The following ATR variants were observed in gnomAD, a reference collection of about 807,000 sequenced individuals.
ATR encodes serine/threonine-protein kinase ATR.
A neutral mutation model predicts 305.3 loss-of-function variants in ATR; 142 were observed. The ratio of observed to expected loss-of-function variants is 0.47; its 90% CI spans 0.41 to 0.53. ATR has a LOEUF of 0.53. Ranked by LOEUF, ATR falls within the 20% of genes least tolerant of loss-of-function variation. The probability of loss-of-function intolerance (pLI) is 0.00; values close to 1 mark genes in which losing one functional copy is unlikely to be tolerated. For synonymous variants in ATR, 1,050 were observed against 1,068.1 expected (o/e 0.98, Z 0.33); for missense variants, 2,135 against 3,133.1 (o/e 0.68, Z 7.60).
chr3:142,578,420 T>A (rs1158936316), intron 1 of ATR, among the ~76,000 whole-genome samples: 1 of 152,078 alleles, frequency 6.6e-6, no homozygotes, highest in Non-Finnish European at 1.5e-5. Flanking sequence ...GACGCCTCTC[T>A]CCCCCACGGA....
chr3:142,542,221 G>A (rs1481435301), intron 17 of ATR, among the ~76,000 whole-genome samples: 2 of 152,144 alleles, frequency 1.3e-5, no homozygotes, highest in African/African-American at 4.8e-5. Context: ...ACTTTTGTTT[G>A]AGCTTTCAGT....
In ATR at chr3:142,556,559, T is replaced by C. The variant is rs1251230053; in HGVS notation, c.1902A>G (p.Ser634=). The C allele has an allele frequency of 6.2e-7, 1 of 1,613,914 alleles. No individual in the cohort carries two copies. Among genetic ancestry groups the C allele is most frequent in the Non-Finnish European group, 8.5e-7 (1 of 1,179,984 alleles). ...ACAGAGTCAGAAGAAACACACATCG[T>C]GATTGTGCCTGTGGTGCTGAAAAAA... ...ISDSYSPQAQ[S]RCVFLLTLFP... The change falls in exon 9 of 47, where the codon TCA becomes TCG. Residue 634 remains serine (S), a synonymous_variant. Coordinates refer to ENST00000350721, the MANE Select transcript of ATR (RefSeq NM_001184.4).
At chr3:142,562,196 A>G in intron 4 of ATR, 36 bp downstream of exon 4, 1 of 1,609,302 alleles carries the variant, frequency 6.2e-7, no homozygotes, top group Non-Finnish European at 8.5e-7. Flanking sequence ...GATGAACAAA[A>G]TACATACTTA....
At chr3:142,515,700 A>G (rs2032830527) in intron 24 of ATR, among the ~76,000 whole-genome samples, 185 bp from the exon 25 acceptor site, 1 of 152,072 alleles carries the variant, frequency 6.6e-6, no homozygotes, top group East Asian at 1.9e-4. Flanking sequence ...AAGTACTTCT[A>G]AGGATTTGAG....
At chr3:142,465,328 A>G in intron 40 of ATR, 88 bp from the exon 41 acceptor site, 1 of 1,057,812 alleles carries the variant, frequency 9.5e-7, no homozygotes, top group Non-Finnish European at 1.4e-6. Flanking sequence ...ATGTAAAAAA[A>G]AAAAAAGAAT....
chr3:142,468,421 A>G (rs2071181295), intron 38 of ATR, among the ~76,000 whole-genome samples: 1 of 152,122 alleles, frequency 6.6e-6, no homozygotes, highest in Non-Finnish European at 1.5e-5. Flanking sequence ...TTTATATATT[A>G]AAATTATATC....
At chr3:142,565,989 T>C in intron 3 of ATR, 132 bp downstream of exon 3, 1 of 1,164,960 alleles carries the variant, frequency 8.6e-7, no homozygotes, top group South Asian at 1.3e-5. Flanking sequence ...ACCATTACCA[T>C]TTTGCTCCTT....
chr3:142,502,501 T>TA (rs2032024737), intron 30 of ATR, among the ~76,000 whole-genome samples: 1 of 152,160 alleles, frequency 6.6e-6, no homozygotes, highest in Non-Finnish European at 1.5e-5. Context: ...GTTGAAAAAC[T>TA]ATCTTTTGGG....
intron 36 of ATR, among the ~76,000 whole-genome samples, chr3:142,474,387 T>C (rs2071382432): frequency 6.6e-6 from 1 of 152,192 alleles, no homozygotes; most frequent in Non-Finnish European, 1.5e-5. Context: ...TTTCCATTTG[T>C]TCATGTCTTC....
At chr3:142,516,984 A>AAT (rs534243837) in intron 24 of ATR, among the ~76,000 whole-genome samples, 41,447 of 138,772 alleles carry the variant, frequency 0.3, 6,166 homozygotes, top group Middle Eastern at 0.41. Context: ...ATACCCAAAT[A>AAT]ATATATATAT....
At chr3:142,477,159 C>G (rs1474510750) in intron 36 of ATR, among the ~76,000 whole-genome samples, 3 of 152,296 alleles carry the variant, frequency 2.0e-5, no homozygotes, top group African/African-American at 7.2e-5. Context: ...GAGAGGGCAT[C>G]CCTGTCTTAT....
At position 142,562,279 on chromosome 3, in the gene ATR, T is replaced by A. The variant is rs902206198; in HGVS notation, c.1123A>T (p.Ile375Phe). 8 of 1,614,118 alleles carry A rather than the reference T, an allele frequency of 5.0e-6. No individual in the cohort carries two copies. The highest frequency in any genetic ancestry group is 6.8e-6 in the Non-Finnish European group (8 of 1,179,982). ...LQVRKVYVRN[I>F]CKALLDVLGI... ...AGCACATCCAAAAGAGCTTTACAAA[T>A]ATTTCTCACATAGACCTTCCTGACT... Residue 375 changes from isoleucine (I) to phenylalanine (F), a missense_variant, in exon 4 of 47, where the codon ATT (isoleucine) becomes TTT (phenylalanine). Coordinates refer to ENST00000350721, the MANE Select transcript of ATR (RefSeq NM_001184.4).
At chr3:142,483,940 CAG>C (rs1261557457) in intron 36 of ATR, among the ~76,000 whole-genome samples, 1 of 151,920 alleles carries the variant, frequency 6.6e-6, no homozygotes, top group Non-Finnish European at 1.5e-5. Flanking sequence ...GTTGGGGACT[CAG>C]GGGATGAGGG....
rs2030846976 is a variant in ATR, at chr3:142,485,337, A to G, written c.6079-55T>C. The G allele has an allele frequency of 9.4e-6, 15 of 1,588,626 alleles. No individual in the cohort carries two copies. The Admixed American group carries it at 2.6e-4, about 27-fold the overall frequency. On this transcript the variant is annotated intron_variant, in intron 35 of 46. Transcript: ENST00000350721. Reference sequence around the variant, plus strand: ...AAGGAAATCCCACGCTATGCTGGGAAGTAAAATATGAATAGATGATTAGGG... The same window carrying G: ...AAGGAAATCCCACGCTATGCTGGGAGGTAAAATATGAATAGATGATTAGGG...
At chr3:142,506,371 AT>A (rs2032236436) in intron 28 of ATR, among the ~76,000 whole-genome samples, 1 of 152,316 alleles carries the variant, frequency 6.6e-6, no homozygotes, top group African/African-American at 2.4e-5. Context: ...GAAAGATTGA[AT>A]TTTGACAGGA....
rs766979796 is a variant in ATR, at chr3:142,538,539, A to G, written c.3668T>C (p.Ile1223Thr). 10 of 1,613,368 alleles carry G rather than the reference A, an allele frequency of 6.2e-6. No individual in the cohort carries two copies. In the Admixed American group the frequency reaches 8.3e-5, roughly 13 times the overall value. ...SHVIVALLPL[I>T]HIQPKETAAI... ...TGCAGTTTCTTTAGGCTGGATGTGTATAAGAGGTAACAAAGCTACTATTAC... is the reference window on the plus strand; with the variant it reads ...TGCAGTTTCTTTAGGCTGGATGTGTGTAAGAGGTAACAAAGCTACTATTAC... Residue 1223 changes from isoleucine (I) to threonine (T), a missense_variant, in exon 19 of 47, where the codon ATA becomes ACA. By Grantham distance (89) the Ile-to-Thr change is moderately conservative (BLOSUM62 -1). Transcript: ENST00000350721.
Position 142,558,709 on chromosome 3 carries a change from A to G in ATR, c.1800T>C (p.Tyr600=), listed in dbSNP as rs1338696743. The change falls in exon 8 of 47, where the codon TAT becomes TAC. Residue 600 remains tyrosine (Y), a synonymous_variant. Transcript: ENST00000350721. The stretch of plus-strand genomic sequence containing the variant: ...TTAAACAGCCATCATCAGAATGGGA[A>G]TAAATCCATGGAAGTGAGAGCATAC... ...LCGMLSLPWI[Y]SHSDDGCLKL... is the part of the protein sequence containing the mutation. 3.2e-5 allele frequency: 51 copies of G among 1,612,626 alleles called. No individual in the cohort carries two copies. The highest frequency in any genetic ancestry group is 4.2e-5 in the Non-Finnish European group (50 of 1,178,978).
Position 142,555,989 on chromosome 3 carries a change from C to G in ATR, c.2229G>C (p.Arg743Ser). Residue 743 changes from arginine (R) to serine (S), a missense_variant, in exon 10 of 47, where the codon AGG (arginine) becomes AGC (serine). Arg to Ser is a moderately radical substitution (Grantham distance 110). Coordinates refer to ENST00000350721, the MANE Select transcript of ATR (RefSeq NM_001184.4). Reference protein sequence around the residue: ...SEHGHVDLFCRNLKATSQHEC... With the variant: ...SEHGHVDLFCSNLKATSQHEC... ...CATGTTGAGAAGTGGCTTTCAAGTT[C>G]CTACAGAAGAGGTCCACATGTCCGT... The G allele has an allele frequency of 6.2e-7, 1 of 1,613,646 alleles. No homozygotes were observed. Among genetic ancestry groups the G allele is most frequent in the South Asian group, 1.1e-5 (1 of 91,032 alleles).
intron 36 of ATR, among the ~76,000 whole-genome samples, chr3:142,471,079 C>T (rs1377818083): frequency 8.5e-5 from 13 of 152,104 alleles, no homozygotes; most frequent in Non-Finnish European, 1.5e-5. Flanking sequence ...ATTGGAACCT[C>T]GTACCTATTA....
Sources: gnomAD v4.1 joint callset for allele counts (sites outside exome capture counted in the v4.1 genomes callset) on GRCh38, gnomAD v4.1.1 for gene constraint, MANE v1.5 for transcripts, NCBI Gene and HGNC (gene_info 2026-07-23, HGNC 2026-07-21) for gene names.